Variants in CIC observed in about 807,000 individuals in gnomAD.
CIC encodes capicua transcriptional repressor.
CIC carries 18 observed loss-of-function variants against 115.7 expected under a neutral mutation model. The observed-to-expected ratio is 0.16, with a 90% CI of 0.11 to 0.23. The LOEUF (loss-of-function observed/expected upper bound fraction) is 0.23, where lower values mean the gene tolerates loss of function less well. Ranked by LOEUF, CIC falls within the 10% of genes least tolerant of loss-of-function variation. The pLI is 1.00. For missense variants in CIC, 2,000 were observed against 2,159.3 expected (o/e 0.93, Z 1.46); for synonymous variants, 1,076 against 923.0 (o/e 1.17, Z -3.01).
At chr19:42,292,259 C>T (rs1317767946) in intron 13 of CIC, 41 bp from the exon 14 acceptor site, 1 of 1,613,698 alleles carries the variant, frequency 6.2e-7, no homozygotes, top group South Asian at 1.1e-5. Flanking sequence ...TGGGGCGGGG[C>T]CGGCTTACCT....
chr19:42,274,256 C>T lies in CIC; in HGVS notation c.2473C>T (p.Pro825Ser). 2.5e-6 allele frequency: 1 copy of T among 398,872 alleles called. No homozygotes were observed. The highest frequency in any genetic ancestry group is 4.4e-6 in the Non-Finnish European group (1 of 226,218). The allele number at this position is 398,872 out of a possible 1,614,324, so 24.7% of individuals were successfully genotyped here. Residue 825 changes from proline (P) to serine (S), a missense_variant, in exon 2 of 21, where the codon CCT becomes TCT. Coordinates refer to ENST00000681038, the MANE Select transcript of CIC (RefSeq NM_001386298.1). ...NPDVPLPSKF[P>S]GEVGTAGEVR... ...TGATGTGCCACTGCCCTCCAAATTC[C>T]CTGGGGAGGTGGGCACTGCTGGTGA...
rs898022737 is a variant in CIC, at chr19:42,272,423, G to A, written c.640G>A (p.Gly214Ser). ...SQRVLARRGD[G>S]LFLPAVVRQV... ...GCGGGTGCTGGCTCGGCGTGGTGAT[G>A]GCCTTTTCCTGCCGGCTGTGGTGCG... Residue 214 changes from glycine to serine, a missense_variant, in exon 2 of 21, where the codon GGC becomes AGC. Transcript: ENST00000681038. The A allele has an allele frequency of 7.5e-6, 3 of 398,446 alleles. No individual in the cohort carries two copies. Among genetic ancestry groups the A allele is most frequent in the African/African-American group, 2.1e-5 (1 of 48,630 alleles). 24.7% of individuals were successfully genotyped at this position (398,446 alleles called of 1,614,324 possible). A position where few individuals can be genotyped will look rare whatever the true frequency, so the allele number is the denominator to read the frequency against.
At chr19:42,284,530 G>T (rs2037465494) in intron 2 of CIC, 1 of 177,258 alleles carries the variant, frequency 5.6e-6, no homozygotes, top group Non-Finnish European at 1.1e-5. Context: ...GGCGCGCCCG[G>T]CAGAGACCCC....
chr19:42,271,080 G>GT (rs1167486756), intron 1 of CIC, among the ~76,000 whole-genome samples: 2 of 151,274 alleles, frequency 1.3e-5, no homozygotes, highest in South Asian at 2.1e-4. Context: ...CAGAGGGAGG[G>GT]TGGGGGGGTG....
chr19:42,288,035 C>T, intron 7 of CIC, 60 bp downstream of exon 7: 1 of 1,539,642 alleles, frequency 6.5e-7, no homozygotes, highest in Non-Finnish European at 8.8e-7. Context: ...CCACCAGCTA[C>T]CCCCTTGCTT....
In CIC at chr19:42,287,532, G is replaced by T. The variant is rs2037748423; in HGVS notation, c.3310-13G>T. 6 of 1,613,048 alleles carry T rather than the reference G, an allele frequency of 3.7e-6. No homozygotes were observed. The highest frequency in any genetic ancestry group is 5.1e-6 in the Non-Finnish European group (6 of 1,180,036). ...GGTCCTAACTGTCCCGCTCTGGGCT[G>T]TGTTTAATGCAGCGGGAGAAGGACC... On this transcript the variant is annotated splice_polypyrimidine_tract_variant and intron_variant, in intron 5 of 20. Transcript: ENST00000681038. This position sits in a 1 kb window ranked among gnomAD's most constrained non-coding sequence, Gnocchi z 8.7.
intron 19 of CIC, 120 bp from the exon 20 acceptor site, chr19:42,294,484 G>A (rs888911300): frequency 2.2e-5 from 34 of 1,558,174 alleles, no homozygotes; most frequent in Non-Finnish European, 3.0e-5. Flanking sequence ...CTGTGGGCAG[G>A]ACCCCTCTCT....
chr19:42,286,530 G>C (rs1442607081), intron 2 of CIC, among the ~76,000 whole-genome samples: 5 of 151,852 alleles, frequency 3.3e-5, no homozygotes, highest in Non-Finnish European at 5.9e-5. Context: ...GTGGGGGGAG[G>C]AGTGGGGCGT....
At chr19:42,289,670 C>T (rs1405162846) in intron 9 of CIC, among the ~76,000 whole-genome samples, 178 bp from the exon 10 acceptor site, 1 of 152,186 alleles carries the variant, frequency 6.6e-6, no homozygotes, top group Non-Finnish European at 1.5e-5. Flanking sequence ...GGCTCATAGG[C>T]TCCTGCACTG....
chr19:42,294,372 TAG>T (rs2038366510), intron 19 of CIC, 68 bp downstream of exon 19: 1 of 1,602,604 alleles, frequency 6.2e-7, no homozygotes. Flanking sequence ...GGAAGGCGGT[TAG>T]AGAGTGAGAG....
intron 2 of CIC, 82 bp from the exon 3 acceptor site, chr19:42,286,689 C>T (rs1351444431): frequency 3.2e-6 from 5 of 1,586,174 alleles, no homozygotes; most frequent in Non-Finnish European, 4.3e-6. Flanking sequence ...GTGGGGCTAC[C>T]TCATCTAGGG....
intron 2 of CIC, among the ~76,000 whole-genome samples, chr19:42,275,955 C>A (rs749096807): frequency 2.0e-5 from 3 of 152,208 alleles, no homozygotes; most frequent in Admixed American, 6.5e-5. Flanking sequence ...AGACCCCTCC[C>A]TAGACAGTAA....
At chr19:42,288,253 C>T (rs774611027) in intron 7 of CIC, among the ~76,000 whole-genome samples, 4 of 152,302 alleles carry the variant, frequency 2.6e-5, no homozygotes, top group East Asian at 1.9e-4. Flanking sequence ...AAGCTGTAGT[C>T]TGCAAAACCC....
rs1296828295 is a variant in CIC at position 42,295,166 on chromosome 19, C to T, written c.7529C>T (p.Pro2510Leu). The change falls in exon 21 of 21, where the codon CCC becomes CTC. Residue 2510 changes from proline to leucine, a missense_variant. Pro to Leu is a moderately conservative substitution (Grantham distance 98). Around this residue, in one of 8 missense-constraint regions of CIC, gnomAD observed 133 missense variants for 116.0 expected, o/e 1.15. Transcript: ENST00000681038. ...APQPSPPPPGPSTAATGR is the reference protein window; with the variant it reads ...APQPSPPPPGLSTAATGR ...CAGCCCTCCCCCCCACCCCCAGGTC[C>T]CTCCACAGCTGCCACAGGCAGGTGA... 1.3e-6 allele frequency: 2 copies of T among 1,503,766 alleles called. No individual in the cohort carries two copies. Among genetic ancestry groups the T allele is most frequent in the East Asian group, 4.9e-5 (2 of 40,774 alleles). The allele number at this position is 1,503,766 out of a possible 1,614,324, so 93.2% of individuals were successfully genotyped here. A position where few individuals can be genotyped will look rare whatever the true frequency, so the allele number is the denominator to read the frequency against.
chr19:42,277,390 C>T (rs899353278), intron 2 of CIC, among the ~76,000 whole-genome samples: 3 of 152,156 alleles, frequency 2.0e-5, no homozygotes, highest in Admixed American at 2.0e-4. Context: ...CCACCACGCC[C>T]GGCTAATTTT....
chr19:42,286,677 G>A (rs1003371289), intron 2 of CIC, 94 bp from the exon 3 acceptor site: 4 of 1,543,126 alleles, frequency 2.6e-6, no homozygotes, highest in Middle Eastern at 2.0e-4. Context: ...TAGACAAAAG[G>A]GGTGGGGCTA....
rs374018805 is a variant in CIC, at chr19:42,287,184, C to T, written c.3123C>T (p.Ser1041=). 2.8e-5 allele frequency: 45 copies of T among 1,613,462 alleles called. No homozygotes were observed. The highest frequency in any genetic ancestry group is 1.6e-4 in the African/African-American group (12 of 75,030). Residue 1041 remains serine, a synonymous_variant, in exon 4 of 21, where the codon TCC becomes TCT. Transcript: ENST00000681038. The surrounding 1 kb of genome is among the most constrained non-coding windows in gnomAD (Gnocchi z 8.7). ...CTCCCACCACGGAGGAGGAGGCCTC[C>T]GGCCCCCCAGGAGAGCCCCGGCTGG... is the stretch of plus-strand genomic sequence containing the variant. ...GPPPTTEEEA[S]GPPGEPRLDS... is the part of the protein sequence containing the mutation.
Position 42,291,509 on chromosome 19 carries a change from C to G in CIC, c.5425+43C>G, listed in dbSNP as rs777083071. On this transcript the variant is annotated intron_variant, in intron 11 of 20. Transcript: ENST00000681038. ...CAGCACTAGGGGAGGGGCCATAGTC[C>G]TGTTTGGCTCCCTTGTAACCTTTTC... 5.6e-6 allele frequency: 9 copies of G among 1,613,076 alleles called. No homozygotes were observed. In the African/African-American group the frequency reaches 9.3e-5, roughly 17 times the overall value.
Position 42,292,525 on chromosome 19 carries a change from G to A in CIC, c.5903-41G>A, listed in dbSNP as rs1337326641. ...CCAGGGTGGGGCTGAGGCAGTCCGG[G>A]CCCTAACTTGGTCTCCTGCTTCTTC... On this transcript the variant is annotated intron_variant, in intron 14 of 20. Transcript: ENST00000681038. The A allele has an allele frequency of 3.1e-6, 5 of 1,612,004 alleles. No individual in the cohort carries two copies. The African/African-American group carries it at 6.7e-5, about 21-fold the overall frequency.
Sources: gnomAD v4.1 joint callset for allele counts (sites outside exome capture counted in the v4.1 genomes callset) on GRCh38, gnomAD v4.1.1 for gene constraint, gnomAD v4.1.1 regional missense constraint, Gnocchi (gnomAD v3.1) non-coding constraint, MANE v1.5 for transcripts, NCBI Gene and HGNC (gene_info 2026-07-23, HGNC 2026-07-21) for gene names.